The following DGKI variants were observed in gnomAD, a reference collection of about 807,000 sequenced individuals.
The protein encoded by DGKI is DAG kinase iota.
In DGKI, 55 loss-of-function variants were observed where a neutral mutation model predicts 147.5. The observed-to-expected ratio is 0.37, with a 90% confidence interval of 0.30 to 0.47. DGKI has a LOEUF of 0.47. DGKI is among the 20% of genes least tolerant of loss of function. The pLI, the probability that DGKI is intolerant of heterozygous loss-of-function variation, is 1.00. For missense variants in DGKI, 1,007 were observed against 1,323.8 expected, an observed-to-expected ratio of 0.76 and a Z score of 3.71; for synonymous variants, 469 against 477.1, an observed-to-expected ratio of 0.98 and a Z score of 0.22.
At chr7:137,399,008 T>C (rs536521974) in intron 30 of DGKI, among the ~76,000 whole-genome samples, 1 of 151,812 alleles carries the variant, frequency 6.6e-6, no homozygotes, top group South Asian at 2.1e-4. Flanking sequence ...TTCCATTTTT[T>C]TTTTTTTCAC....
chr7:137,791,453 A>G (rs763373242), intron 1 of DGKI, among the ~76,000 whole-genome samples: 38 of 152,320 alleles, frequency 2.5e-4, no homozygotes, highest in Non-Finnish European at 2.8e-4. Context: ...GGCTTGTTTC[A>G]TTACAAAAGG....
At chr7:137,545,977 G>T (rs1301346386) in intron 20 of DGKI, 5 of 701,952 alleles carry the variant, frequency 7.1e-6, no homozygotes, top group Non-Finnish European at 1.3e-5. Context: ...AGGCAGCAGG[G>T]AATGAGCAGC....
Position 137,846,767 on chromosome 7 carries a change from G to T in DGKI, c.96C>A (p.Ser32Arg). 3 of 1,046,292 alleles carry T rather than the reference G, an allele frequency of 2.9e-6. No homozygotes were observed. The highest frequency in any genetic ancestry group is 3.4e-6 in the Non-Finnish European group (3 of 871,380). 64.8% of individuals were successfully genotyped at this position (1,046,292 alleles called of 1,614,324 possible). A position where few individuals can be genotyped will look rare whatever the true frequency, so the allele number is the denominator to read the frequency against. Residue 32 changes from serine (S) to arginine (R), a missense_variant, in exon 1 of 33, where the codon AGC becomes AGA. By Grantham distance (110) the Ser-to-Arg change is moderately radical. This residue lies in a region of DGKI where 137 missense variants were observed against 114.4 expected (regional missense o/e 1.20). Transcript: ENST00000614521. The surrounding 1 kb of genome is among the most constrained non-coding windows in gnomAD (Gnocchi z 4.0). ...CGGCGCCGCTGCAGGGGCCGGGCGG[G>T]CTGGCGGCGGCGGCGGCGGCGGCTG... Reference protein sequence around the residue: ...APAAAAAAAASPPGPCSGAAC... With the variant: ...APAAAAAAAARPPGPCSGAAC...
chr7:137,697,842 T>G (rs1019563804), intron 1 of DGKI, among the ~76,000 whole-genome samples: 4 of 152,092 alleles, frequency 2.6e-5, no homozygotes, highest in Admixed American at 2.6e-4. Flanking sequence ...ATTTCCCTTG[T>G]CAAAATTTAG....
In DGKI at chr7:137,757,820, G is replaced by A. The variant is rs148435791; in HGVS notation, c.402-67818C>T. On this transcript the variant is annotated intron_variant, in intron 1 of 32. Transcript: ENST00000614521. ...AATCTATGTGTTCATGAATTAGAAC[G>A]TAGCTGAGAAGAACAAGATAACTAT... Among the ~76,000 whole-genome samples, 30 of 152,326 alleles carry A rather than the reference G, an allele frequency of 2.0e-4. No individual in the cohort carries two copies. In the East Asian group the frequency reaches 2.5e-3, roughly 13 times the overall value.
chr7:137,726,748 A>G (rs956298926), intron 1 of DGKI, among the ~76,000 whole-genome samples: 2 of 152,194 alleles, frequency 1.3e-5, no homozygotes, highest in Non-Finnish European at 2.9e-5. Context: ...TTCAAAAAAT[A>G]TCTTTAGGGT....
chr7:137,709,289 A>C (rs931860782), intron 1 of DGKI, among the ~76,000 whole-genome samples: 1 of 152,188 alleles, frequency 6.6e-6, no homozygotes, highest in African/African-American at 2.4e-5. Context: ...GGGTACTGGG[A>C]GTCACAGAGT....
intron 1 of DGKI, among the ~76,000 whole-genome samples, chr7:137,758,904 C>G (rs1795769760): frequency 6.6e-6 from 1 of 152,096 alleles, no homozygotes; most frequent in Admixed American, 6.5e-5. Flanking sequence ...TTTGGGCTTA[C>G]TCACAAAGGA....
intron 6 of DGKI, among the ~76,000 whole-genome samples, chr7:137,638,339 G>C (rs59811187): frequency 6.8e-6 from 1 of 147,992 alleles, no homozygotes; most frequent in African/African-American, 2.5e-5. Context: ...TATCTTAAAT[G>C]TCATTATTTT....
intron 8 of DGKI, among the ~76,000 whole-genome samples, chr7:137,615,993 T>G (rs1266348324): frequency 6.6e-6 from 1 of 152,126 alleles, no homozygotes; most frequent in Admixed American, 6.6e-5. Context: ...AGCTTTTAAA[T>G]AGACTATGGT....
chr7:137,650,661 G>T (rs555013285), intron 5 of DGKI, among the ~76,000 whole-genome samples: 4 of 152,304 alleles, frequency 2.6e-5, no homozygotes, highest in African/African-American at 9.6e-5. Flanking sequence ...CAATGAGAAG[G>T]TGGCAGTCTG....
At chr7:137,510,693 T>C (rs1441487536) in intron 21 of DGKI, among the ~76,000 whole-genome samples, 1 of 152,242 alleles carries the variant, frequency 6.6e-6, no homozygotes, top group Non-Finnish European at 1.5e-5. Context: ...TGCAGGGTGA[T>C]GGTCAAGGTC....
At chr7:137,789,020 C>A (rs181123971) in intron 1 of DGKI, among the ~76,000 whole-genome samples, 1 of 152,116 alleles carries the variant, frequency 6.6e-6, no homozygotes. Flanking sequence ...GAATTAATGG[C>A]TTCAAAGAAT....
chr7:137,448,628 AG>A (rs1813813528), intron 27 of DGKI, among the ~76,000 whole-genome samples: 1 of 8,842 alleles, frequency 1.1e-4, no homozygotes, highest in Non-Finnish European at 3.7e-4. Context: ...GAAGGAAGGG[AG>A]GGAGGAAGGG....
At position 137,521,965 on chromosome 7, in the gene DGKI, G is replaced by C. The variant is rs779464643; in HGVS notation, c.2149C>G (p.Pro717Ala). The C allele has an allele frequency of 2.7e-5, 44 of 1,609,230 alleles. No homozygotes were observed. Among genetic ancestry groups the C allele is most frequent in the Non-Finnish European group, 3.6e-5 (42 of 1,177,538 alleles). ...CTCAGACGATCTGGGACAGACTGGG[G>C]ACTGCAAAACAAGAACCGAGTGGTC... ...RRTSMPLLND[P>A]QSVPDRLRIR... is the part of the protein sequence containing the mutation. The change falls in exon 21 of 33, where the codon CCC (proline) becomes GCC (alanine). Residue 717 changes from proline to alanine, a missense_variant and splice_region_variant. Pro to Ala is a conservative substitution (Grantham distance 27). This residue lies in a region of DGKI where 385 missense variants were observed against 445.2 expected (regional missense o/e 0.86). Coordinates refer to ENST00000614521, the MANE Select transcript of DGKI (RefSeq NM_001321708.2).
intron 28 of DGKI, among the ~76,000 whole-genome samples, chr7:137,437,083 G>A (rs1585114743): frequency 2.0e-5 from 3 of 152,158 alleles, no homozygotes; most frequent in Admixed American, 2.0e-4. Flanking sequence ...CACTCACTTT[G>A]GGATCAGGAA....
chr7:137,627,741 G>A (rs1470125622), intron 6 of DGKI, among the ~76,000 whole-genome samples: 1 of 152,292 alleles, frequency 6.6e-6, no homozygotes, highest in East Asian at 1.9e-4. Context: ...AGTCTTAAAT[G>A]CAATCACCAG....
At chr7:137,616,435 C>A (rs1820534287) in intron 8 of DGKI, among the ~76,000 whole-genome samples, 2 of 152,108 alleles carry the variant, frequency 1.3e-5, no homozygotes, top group Admixed American at 1.3e-4. Flanking sequence ...GACTGTGCAT[C>A]CAGACTATGA....
At chr7:137,749,557 C>T (rs1311877451) in intron 1 of DGKI, among the ~76,000 whole-genome samples, 1 of 152,172 alleles carries the variant, frequency 6.6e-6, no homozygotes, top group Non-Finnish European at 1.5e-5. Context: ...CTTTTATAAC[C>T]TTAGCTGAAT....
Sources: allele counts gnomAD v4.1 joint callset (sites outside exome capture counted in the v4.1 genomes callset), GRCh38; gene constraint gnomAD v4.1.1; regional missense constraint gnomAD v4.1.1; non-coding constraint Gnocchi (gnomAD v3.1); transcripts MANE v1.5; gene names NCBI Gene and HGNC (gene_info 2026-07-23, HGNC 2026-07-21).